The following KCNMB2 variants were observed in gnomAD, a reference collection of about 807,000 sequenced individuals.
KCNMB2 encodes potassium calcium-activated channel subfamily M regulatory beta subunit 2, also known as calcium-activated potassium channel subunit beta-2.
A neutral mutation model predicts 24.5 loss-of-function variants in KCNMB2; 9 were observed. The ratio of observed to expected loss-of-function variants is 0.37; its 90% confidence interval spans 0.22 to 0.64. KCNMB2 has a LOEUF of 0.64. Ranked by LOEUF, KCNMB2 falls within the 30% of genes least tolerant of loss-of-function variation. The pLI, the probability that KCNMB2 is intolerant of heterozygous loss-of-function variation, is 0.63. For synonymous variants in KCNMB2, 109 were observed against 104.4 expected (o/e 1.04, Z -0.27); for missense variants, 226 against 284.3 (o/e 0.79, Z 1.47).
rs1331599438 is a variant in KCNMB2, at chr3:178,573,615, G to A, written c.-68+36904G>A. Among the ~76,000 whole-genome samples, 4 of 151,226 alleles carry A rather than the reference G, an allele frequency of 2.6e-5. No homozygotes were observed. In the East Asian group the frequency reaches 5.8e-4, roughly 22 times the overall value. ...AAAAAAAAAACTAGCCAGGTGTGGT[G>A]GTGCATGCCTCAACTCAGCAACTTG... On this transcript the variant is annotated intron_variant, in intron 1 of 4. Transcript: ENST00000452583.
intron 1 of KCNMB2, among the ~76,000 whole-genome samples, chr3:178,781,273 G>A (rs936260241): frequency 6.6e-6 from 1 of 151,912 alleles, no homozygotes; most frequent in Admixed American, 6.6e-5. Flanking sequence ...GTTTTGTTTT[G>A]TTTACAGCAA....
chr3:178,736,957 T>C (rs143904155), intron 1 of KCNMB2, among the ~76,000 whole-genome samples: 45 of 152,260 alleles, frequency 3.0e-4, no homozygotes, highest in African/African-American at 9.4e-4. Context: ...TCCTGAACTC[T>C]GTTACTAAAC....
chr3:178,697,498 C>T (rs1285164139), intron 1 of KCNMB2, among the ~76,000 whole-genome samples: 1 of 152,146 alleles, frequency 6.6e-6, no homozygotes, highest in Non-Finnish European at 1.5e-5. Context: ...CTATGTGTGT[C>T]ATTGCATGTG....
At chr3:178,778,364 C>T (rs1338789664) in intron 1 of KCNMB2, among the ~76,000 whole-genome samples, 1 of 151,934 alleles carries the variant, frequency 6.6e-6, no homozygotes, top group Admixed American at 6.6e-5. Flanking sequence ...TAATAGCCAA[C>T]TCAAAGCCAC....
intron 1 of KCNMB2, among the ~76,000 whole-genome samples, chr3:178,629,925 G>A (rs1433145796): frequency 6.6e-6 from 1 of 152,162 alleles, no homozygotes; most frequent in Non-Finnish European, 1.5e-5. Flanking sequence ...ATAGGCTAGT[G>A]ATGGTTCTTA....
intron 1 of KCNMB2, among the ~76,000 whole-genome samples, chr3:178,778,769 T>C (rs1260550917): frequency 6.6e-6 from 1 of 152,182 alleles, no homozygotes; most frequent in African/African-American, 2.4e-5. Context: ...ACCCGACTCC[T>C]GGCACCTGGC....
intron 1 of KCNMB2, among the ~76,000 whole-genome samples, chr3:178,616,450 G>T (rs568260586): frequency 1.3e-5 from 2 of 152,282 alleles, no homozygotes; most frequent in East Asian, 3.9e-4. Context: ...GGTCTAACAG[G>T]ATAGTACTGT....
intron 1 of KCNMB2, among the ~76,000 whole-genome samples, chr3:178,641,387 C>A (rs1367235240): frequency 6.6e-6 from 1 of 152,038 alleles, no homozygotes; most frequent in African/African-American, 2.4e-5. Context: ...ACATATAGAA[C>A]CCACACATAT....
intron 1 of KCNMB2, among the ~76,000 whole-genome samples, chr3:178,587,102 T>C (rs959570086): frequency 2.6e-5 from 4 of 152,166 alleles, no homozygotes; most frequent in Non-Finnish European, 5.9e-5. Flanking sequence ...AACATAGTAA[T>C]TGGTGAAGAG....
At chr3:178,819,020 C>A (rs1238071567) in intron 2 of KCNMB2, among the ~76,000 whole-genome samples, 1 of 152,240 alleles carries the variant, frequency 6.6e-6, no homozygotes, top group Non-Finnish European at 1.5e-5. Context: ...GTTATGGTCC[C>A]TAACTGGCAG....
At chr3:178,753,369 CTG>C (rs1723914553) in intron 1 of KCNMB2, among the ~76,000 whole-genome samples, 1 of 152,212 alleles carries the variant, frequency 6.6e-6, no homozygotes, top group African/African-American at 2.4e-5. Context: ...CAAACACTGA[CTG>C]TGTGACCTTG....
At chr3:178,641,383 A>G (rs1441998281) in intron 1 of KCNMB2, among the ~76,000 whole-genome samples, 1 of 152,182 alleles carries the variant, frequency 6.6e-6, no homozygotes, top group East Asian at 1.9e-4. Context: ...TTTCACATAT[A>G]GAACCCACAC....
At chr3:178,719,421 T>C (rs1003587175) in intron 1 of KCNMB2, among the ~76,000 whole-genome samples, 1 of 152,248 alleles carries the variant, frequency 6.6e-6, no homozygotes, top group Non-Finnish European at 1.5e-5. Flanking sequence ...TTATAACTCA[T>C]AGGTAACAGC....
chr3:178,578,873 G>A (rs1717094337), intron 1 of KCNMB2, among the ~76,000 whole-genome samples: 1 of 152,092 alleles, frequency 6.6e-6, no homozygotes, highest in Non-Finnish European at 1.5e-5. Context: ...GATTCATAAA[G>A]CAAGTTCTTA....
intron 1 of KCNMB2, among the ~76,000 whole-genome samples, chr3:178,787,213 T>C (rs1408510747): frequency 6.6e-6 from 1 of 152,222 alleles, no homozygotes; most frequent in Non-Finnish European, 1.5e-5. Flanking sequence ...TCAAATCTAA[T>C]ATATATGTAA....
At chr3:178,767,401 T>C (rs1249370620) in intron 1 of KCNMB2, among the ~76,000 whole-genome samples, 1 of 152,172 alleles carries the variant, frequency 6.6e-6, no homozygotes, top group Non-Finnish European at 1.5e-5. Context: ...AATTCATGAT[T>C]TGGGGCTGCT....
At chr3:178,763,771 A>C (rs868396311) in intron 1 of KCNMB2, among the ~76,000 whole-genome samples, 3 of 152,150 alleles carry the variant, frequency 2.0e-5, no homozygotes, top group Non-Finnish European at 4.4e-5. Context: ...TAGAACAAAT[A>C]ATCTTTTTGG....
At chr3:178,566,243 G>A (rs1011255798) in intron 1 of KCNMB2, among the ~76,000 whole-genome samples, 10 of 151,990 alleles carry the variant, frequency 6.6e-5, no homozygotes, top group Admixed American at 2.0e-4. Flanking sequence ...AACTTTTTCC[G>A]GCCTATTAAT....
rs373751679 is a variant in KCNMB2, at chr3:178,547,101, C to T, written c.-68+10390C>T. On this transcript the variant is annotated intron_variant, in intron 1 of 4. Coordinates refer to ENST00000452583, the MANE Select transcript of KCNMB2 (RefSeq NM_181361.3). ...CTCCAGAATGGATTAATGCCATTTTCGCTGGAGTGGGTTAGTTATTGTGGA... is the reference window on the plus strand; with the variant it reads ...CTCCAGAATGGATTAATGCCATTTTTGCTGGAGTGGGTTAGTTATTGTGGA... Among the ~76,000 whole-genome samples the T allele has an allele frequency of 6.2e-4, 95 of 152,232 alleles. No individual in the cohort carries two copies. In the South Asian group the frequency reaches 0.019, roughly 30 times the overall value.
Sources: gnomAD v4.1 joint callset for allele counts (sites outside exome capture counted in the v4.1 genomes callset) on GRCh38, gnomAD v4.1.1 for gene constraint, MANE v1.5 for transcripts, NCBI Gene and HGNC (gene_info 2026-07-23, HGNC 2026-07-21) for gene names.